LCOR: variants seen among roughly 807,000 people sequenced by gnomAD.
LCOR encodes the protein ligand-dependent corepressor.
In LCOR, 14 loss-of-function variants were observed where a neutral mutation model predicts 64.4. The observed-to-expected ratio is 0.22, with a 90% CI of 0.14 to 0.34. The LOEUF (loss-of-function observed/expected upper bound fraction) is 0.34. Among genes scored for constraint, LCOR ranks in the 10% least tolerant of loss-of-function variants. The pLI is 1.00. For missense variants in LCOR, 1,686 were observed against 1,765.3 expected (o/e 0.96, Z 0.80); for synonymous variants, 643 against 642.5 (o/e 1.00, Z -0.01).
chr10:96,884,575 A>G (rs1188814368), intron 2 of LCOR, among the ~76,000 whole-genome samples: 4 of 152,194 alleles, frequency 2.6e-5, no homozygotes, highest in Non-Finnish European at 5.9e-5. Flanking sequence ...CAGTAAACAT[A>G]AGAATCACCT....
At position 96,991,264 on chromosome 10, in the gene LCOR, G is replaced by A. The variant is rs1196876617; in HGVS notation, c.*6130G>A. The A allele has an allele frequency of 2.6e-5, 4 of 152,052 alleles. No homozygotes were observed. The highest frequency in any genetic ancestry group is 9.7e-5 in the African/African-American group (4 of 41,382). The allele number at this position is 152,052 out of a possible 1,614,324, so 9.4% of individuals were successfully genotyped here. A position where few individuals can be genotyped will look rare whatever the true frequency, so the allele number is the denominator to read the frequency against. ...ATCTCAGTACACAGCTGCTGTTACA[G>A]ATTATTCCTGAATAATGCTTTTGCG... On this transcript the variant is annotated 3_prime_UTR_variant, in exon 8 of 8. Coordinates refer to ENST00000421806, the MANE Select transcript of LCOR (RefSeq NM_001346516.2).
chr10:96,843,031 C>T (rs1199171540), intron 2 of LCOR, among the ~76,000 whole-genome samples: 2 of 152,160 alleles, frequency 1.3e-5, no homozygotes, highest in African/African-American at 4.8e-5. Flanking sequence ...GTTTGATGAT[C>T]TCTTGTTTTT....
chr10:96,884,010 AT>A (rs1256733489), intron 2 of LCOR, among the ~76,000 whole-genome samples: 1 of 151,906 alleles, frequency 6.6e-6, no homozygotes, highest in Non-Finnish European at 1.5e-5. Context: ...ACCATATAAC[AT>A]ATTTCAAATG....
chr10:96,906,223 T>C (rs1485140104), intron 2 of LCOR, among the ~76,000 whole-genome samples: 1 of 152,228 alleles, frequency 6.6e-6, no homozygotes, highest in African/African-American at 2.4e-5. Context: ...TCAGTAACAC[T>C]TTTTATATTT....
chr10:96,916,595 ATATATATATATCTATATATATG>A (rs1005544569), intron 4 of LCOR, among the ~76,000 whole-genome samples: 32 of 148,984 alleles, frequency 2.1e-4, no homozygotes, highest in African/African-American at 7.0e-4. Context: ...GGCTATATAT[ATATATATATATCTATATATATG>A]ATTATTTATT....
At chr10:96,906,561 A>G (rs2134452147) in intron 2 of LCOR, among the ~76,000 whole-genome samples, 1 of 152,368 alleles carries the variant, frequency 6.6e-6, no homozygotes, top group Admixed American at 6.5e-5. Context: ...AAGCCAGAAA[A>G]AAAGTTTTTG....
chr10:96,879,610 A>T (rs190975992), intron 2 of LCOR, among the ~76,000 whole-genome samples: 83 of 152,296 alleles, frequency 5.4e-4, no homozygotes, highest in African/African-American at 1.9e-3. Context: ...CTGAAATGTA[A>T]TGGTTATCTA....
At chr10:96,943,428 A>G (rs1307714025) in intron 4 of LCOR, among the ~76,000 whole-genome samples, 1 of 152,234 alleles carries the variant, frequency 6.6e-6, no homozygotes, top group Non-Finnish European at 1.5e-5. Flanking sequence ...AAGCTGTTCA[A>G]ACATAGATGT....
At chr10:96,977,464 C>T (rs1432033179) in intron 7 of LCOR, among the ~76,000 whole-genome samples, 1 of 152,062 alleles carries the variant, frequency 6.6e-6, no homozygotes, top group East Asian at 1.9e-4. Flanking sequence ...AGTAATAGTC[C>T]ATATGGTAAT....
At chr10:96,833,544 C>A in intron 2 of LCOR, 65 bp downstream of exon 2, 2 of 636,374 alleles carry the variant, frequency 3.1e-6, no homozygotes, top group Middle Eastern at 7.8e-4. Context: ...ATCCTTGTGT[C>A]TGACTCTCCT....
intron 4 of LCOR, among the ~76,000 whole-genome samples, chr10:96,936,654 T>C (rs1357690621): frequency 6.6e-6 from 1 of 152,184 alleles, no homozygotes; most frequent in Non-Finnish European, 1.5e-5. Flanking sequence ...TTACCAATAC[T>C]GATGTAAGGC....
rs780271847 is a variant in LCOR, at chr10:96,984,349, C to A, written c.3889C>A (p.Pro1297Thr). 6.0e-5 allele frequency: 97 copies of A among 1,614,122 alleles called. 1 individual carries two copies. In the Middle Eastern group the frequency reaches 6.6e-4, roughly 11 times the overall value. ...AGTCAAGGAAGATAGAAACAGTCAT[C>A]CTCCAGCAAACCTGCCCACTCCAGC... ...EEVKEDRNSH[P>T]PANLPTPAST... Residue 1297 changes from proline (P) to threonine (T), a missense_variant, in exon 8 of 8, where the codon CCT (proline) becomes ACT (threonine). This residue lies in a region of LCOR where 1,293 missense variants were observed against 1,410.4 expected (regional missense o/e 0.92). Coordinates refer to ENST00000421806, the MANE Select transcript of LCOR (RefSeq NM_001346516.2).
chr10:96,935,315 A>G (rs1261908622), intron 4 of LCOR, among the ~76,000 whole-genome samples: 1 of 151,718 alleles, frequency 6.6e-6, no homozygotes, highest in East Asian at 1.9e-4. Context: ...CCCCTGGCTA[A>G]TGTTTATATT....
At chr10:96,888,488 C>T (rs1253362882) in intron 2 of LCOR, among the ~76,000 whole-genome samples, 1 of 150,322 alleles carries the variant, frequency 6.7e-6, no homozygotes, top group Non-Finnish European at 1.5e-5. Context: ...CCTTAAAAGA[C>T]CTTTCTGATA....
intron 7 of LCOR, among the ~76,000 whole-genome samples, chr10:96,980,316 G>A (rs555278984): frequency 3.5e-4 from 54 of 152,256 alleles, no homozygotes; most frequent in African/African-American, 1.3e-3. Context: ...TGACCAACCA[G>A]AGTTAATAGT....
At chr10:96,916,480 C>T (rs72819851) in intron 4 of LCOR, among the ~76,000 whole-genome samples, 10,077 of 151,074 alleles carry the variant, frequency 0.067, 360 homozygotes, top group East Asian at 0.18. Context: ...CAGAATACTA[C>T]AAATCAATAA....
At chr10:96,934,039 G>A (rs1847307739) in intron 4 of LCOR, among the ~76,000 whole-genome samples, 1 of 152,108 alleles carries the variant, frequency 6.6e-6, no homozygotes, top group Admixed American at 6.5e-5. Context: ...AAGTTGTGAT[G>A]TTCACCTTAG....
At chr10:96,955,323 C>T in intron 7 of LCOR, 1 of 1,614,026 alleles carries the variant, frequency 6.2e-7, no homozygotes. Flanking sequence ...AAAAATGGCA[C>T]TTCAAGCAAA....
chr10:96,857,819 T>G (rs1439514572), intron 2 of LCOR, among the ~76,000 whole-genome samples: 1 of 152,162 alleles, frequency 6.6e-6, no homozygotes, highest in Non-Finnish European at 1.5e-5. Context: ...TAAGGTTACT[T>G]TAACCAGCAT....
Sources: allele counts gnomAD v4.1 joint callset (sites outside exome capture counted in the v4.1 genomes callset), GRCh38; gene constraint gnomAD v4.1.1; regional missense constraint gnomAD v4.1.1; transcripts MANE v1.5; gene names NCBI Gene and HGNC (gene_info 2026-07-23, HGNC 2026-07-21).